Variants in ZNF585A observed in about 807,000 individuals in gnomAD.
The protein encoded by ZNF585A is zinc finger protein 585A.
In ZNF585A, 9 loss-of-function variants were observed where a neutral mutation model predicts 14.9. That is an observed-to-expected ratio of 0.60 (90% CI 0.36 to 1.05). The LOEUF is 1.05. ZNF585A is among the 50% of genes least tolerant of loss of function. ZNF585A has a pLI of 0.01. For synonymous variants in ZNF585A, 276 were observed against 319.9 expected, an observed-to-expected ratio of 0.86 and a Z score of 1.46; for missense variants, 726 against 926.4, an observed-to-expected ratio of 0.78 and a Z score of 2.81.
intron 2 of ZNF585A, among the ~76,000 whole-genome samples, chr19:37,163,780 A>G (rs1972047152): frequency 1.3e-5 from 2 of 152,040 alleles, no homozygotes; most frequent in Non-Finnish European, 2.9e-5. Flanking sequence ...AAAGAATCCA[A>G]ACATTCCAAA....
At chr19:37,155,841 C>A in intron 4 of ZNF585A, 24 bp downstream of exon 4, 1 of 1,611,378 alleles carries the variant, frequency 6.2e-7, no homozygotes, top group African/African-American at 1.3e-5. Context: ...TCCCATCTAC[C>A]GGATTCACAC....
intron 2 of ZNF585A, among the ~76,000 whole-genome samples, chr19:37,168,173 A>C (rs1384975142): frequency 2.0e-5 from 3 of 152,178 alleles, no homozygotes; most frequent in Non-Finnish European, 4.4e-5. Flanking sequence ...TCATCCCTTT[A>C]AGTGATTTTC....
rs770342537 is a variant in ZNF585A at position 37,152,086 on chromosome 19, G to A, written c.1813C>T (p.Pro605Ser). The A allele has an allele frequency of 6.2e-7, 1 of 1,603,290 alleles. No homozygotes were observed. The highest frequency in any genetic ancestry group is 1.7e-5 in the Admixed American group (1 of 58,640). ...TTCCCACAGTCACTGCATTCATAAGGCTTCTCTCCAGTATGAATTCTTTGA... is the reference window on the plus strand; with the variant it reads ...TTCCCACAGTCACTGCATTCATAAGACTTCTCTCCAGTATGAATTCTTTGA... The part of the protein sequence containing the change: ...THQRIHTGEK[P>S]YECSDCGKSF... The change falls in exon 5 of 5, where the codon CCT becomes TCT. Residue 605 changes from proline to serine, a missense_variant. Around this residue, in one of 2 missense-constraint regions of ZNF585A, gnomAD observed 243 missense variants for 383.6 expected, o/e 0.63. Coordinates refer to ENST00000292841, the MANE Select transcript of ZNF585A (RefSeq NM_001288800.2).
chr19:37,169,429 G>C (rs1182210740), intron 2 of ZNF585A, among the ~76,000 whole-genome samples: 2 of 130,660 alleles, frequency 1.5e-5, no homozygotes, highest in Non-Finnish European at 3.3e-5. Flanking sequence ...CCGAAAAACA[G>C]AAATGTAAAA....
chr19:37,160,905 T>C (rs1972003779), intron 2 of ZNF585A, among the ~76,000 whole-genome samples: 1 of 152,140 alleles, frequency 6.6e-6, no homozygotes, highest in South Asian at 2.1e-4. Context: ...TCTTGCTCTG[T>C]CGTCCAGGCT....
rs974527711 is a variant in ZNF585A at position 37,149,491 on chromosome 19, T to C, written c.*2098A>G. The C allele has an allele frequency of 2.0e-5, 3 of 152,198 alleles. No individual in the cohort carries two copies. The highest frequency in any genetic ancestry group is 7.2e-5 in the African/African-American group (3 of 41,446). 9.4% of individuals were successfully genotyped at this position (152,198 alleles called of 1,614,324 possible). A position where few individuals can be genotyped will look rare whatever the true frequency, so the allele number is the denominator to read the frequency against. On this transcript the variant is annotated 3_prime_UTR_variant, in exon 5 of 5. Coordinates refer to ENST00000292841, the MANE Select transcript of ZNF585A (RefSeq NM_001288800.2). Reference sequence around the variant, plus strand: ...ATAGTCAGATGCTTATGTTGACTGATGACTAATATTAACAGGATGCTGTCA... The same window carrying C: ...ATAGTCAGATGCTTATGTTGACTGACGACTAATATTAACAGGATGCTGTCA...
intron 2 of ZNF585A, among the ~76,000 whole-genome samples, chr19:37,169,196 G>A (rs1201902923): frequency 6.6e-6 from 1 of 151,776 alleles, no homozygotes; most frequent in Non-Finnish European, 1.5e-5. Context: ...AGAGGCATAA[G>A]AAATAAAATT....
chr19:37,170,851 TGTAAA>T (rs1972170472), intron 1 of ZNF585A, among the ~76,000 whole-genome samples: 1 of 152,226 alleles, frequency 6.6e-6, no homozygotes, highest in Non-Finnish European at 1.5e-5. Context: ...AGATAATACT[TGTAAA>T]GTACTCAACA....
chr19:37,151,559 C>T lies in ZNF585A; in HGVS notation c.*30G>A. ...GCAACAGTGTACAATCAGACCCAAC[C>T]CTCAGGGGGGTTTTCTCACACTGTT... On this transcript the variant is annotated 3_prime_UTR_variant, in exon 5 of 5. Coordinates refer to ENST00000292841, the MANE Select transcript of ZNF585A (RefSeq NM_001288800.2). 1 of 1,583,012 alleles carries T rather than the reference C, an allele frequency of 6.3e-7. No homozygotes were observed. Among genetic ancestry groups the T allele is most frequent in the South Asian group, 1.2e-5 (1 of 84,582 alleles).
rs189237393 is a variant in ZNF585A at position 37,151,981 on chromosome 19, C to T, written c.1918G>A (p.Gly640Arg). Reference protein sequence around the residue: ...GEKPYVCAECGKAFSGRSNLS... With the variant: ...GEKPYVCAECRKAFSGRSNLS... Reference sequence around the variant, plus strand: ...TTTGACCTGCCACTAAAGGCCTTCCCGCACTCGGCACACACATAGGGTTTC... The same window carrying T: ...TTTGACCTGCCACTAAAGGCCTTCCTGCACTCGGCACACACATAGGGTTTC... Residue 640 changes from glycine to arginine, a missense_variant, in exon 5 of 5, where the codon GGG (glycine) becomes AGG (arginine). Gly to Arg is a moderately radical substitution (Grantham distance 125). Around this residue, in one of 2 missense-constraint regions of ZNF585A, gnomAD observed 243 missense variants for 383.6 expected, o/e 0.63. Transcript: ENST00000292841. The T allele has an allele frequency of 3.9e-5, 63 of 1,614,034 alleles. No homozygotes were observed. The highest frequency in any genetic ancestry group is 5.0e-5 in the Admixed American group (3 of 60,002).
chr19:37,156,091 G>A, intron 3 of ZNF585A, 134 bp from the exon 4 acceptor site: 2 of 1,549,308 alleles, frequency 1.3e-6, no homozygotes, highest in Non-Finnish European at 1.7e-6. Flanking sequence ...AATTCTGAGT[G>A]CCCTAAACAA....
At chr19:37,156,892 A>G (rs564848236) in intron 2 of ZNF585A, among the ~76,000 whole-genome samples, 2 of 152,278 alleles carry the variant, frequency 1.3e-5, no homozygotes, top group East Asian at 3.9e-4. Flanking sequence ...GGGTTTTGCC[A>G]TGTTGGCCAG....
chr19:37,163,646 A>G (rs576056101), intron 2 of ZNF585A, among the ~76,000 whole-genome samples: 1 of 152,126 alleles, frequency 6.6e-6, no homozygotes, highest in Admixed American at 6.5e-5. Flanking sequence ...GCAGTGTAGA[A>G]CTGTTATCAT....
intron 2 of ZNF585A, among the ~76,000 whole-genome samples, chr19:37,164,072 G>A (rs1349444256): frequency 1.3e-5 from 2 of 152,128 alleles, no homozygotes; most frequent in East Asian, 1.9e-4. Flanking sequence ...TTCGGATGCC[G>A]TATTTACTAT....
rs1432249534 is a variant in ZNF585A at position 37,148,950 on chromosome 19, G to T, written c.*2639C>A. The T allele has an allele frequency of 6.6e-6, 1 of 152,132 alleles. No individual in the cohort carries two copies. 9.4% of individuals were successfully genotyped at this position (152,132 alleles called of 1,614,324 possible). Reference sequence around the variant, plus strand: ...AACTATATGATATAAAAGATCAAAGGTAAAACTATGGAGACAGAAAAAATG... The same window carrying T: ...AACTATATGATATAAAAGATCAAAGTTAAAACTATGGAGACAGAAAAAATG... On this transcript the variant is annotated 3_prime_UTR_variant, in exon 5 of 5. Transcript: ENST00000292841.
chr19:37,147,831 T>C lies in ZNF585A; in HGVS notation c.*3758A>G, dbSNP rs904891964. 2.0e-5 allele frequency: 3 copies of C among 152,230 alleles called. No individual in the cohort carries two copies. The highest frequency in any genetic ancestry group is 4.4e-5 in the Non-Finnish European group (3 of 68,032). The allele number at this position is 152,230 out of a possible 1,614,324, so 9.4% of individuals were successfully genotyped here. The stretch of plus-strand genomic sequence containing the variant: ...AATACAACAGCACTTTTGAGATTCA[T>C]CCATGTTGTAGTAAGTGTCAATAAA... On this transcript the variant is annotated 3_prime_UTR_variant, in exon 5 of 5. Transcript: ENST00000292841.
At position 37,146,968 on chromosome 19, in the gene ZNF585A, G is replaced by T; in HGVS notation, c.*4621C>A. On this transcript the variant is annotated 3_prime_UTR_variant, in exon 5 of 5. Coordinates refer to ENST00000292841, the MANE Select transcript of ZNF585A (RefSeq NM_001288800.2). ...CCACACATGTTACCAATCTGTGCGG[G>T]GCATCTGGTCAACCTCGATATTATT... 1 of 152,222 alleles carries T rather than the reference G, an allele frequency of 6.6e-6. No individual in the cohort carries two copies. Among genetic ancestry groups the T allele is most frequent in the African/African-American group, 2.4e-5 (1 of 41,482 alleles). The allele number at this position is 152,222 out of a possible 1,614,324, so 9.4% of individuals were successfully genotyped here.
intron 2 of ZNF585A, 94 bp downstream of exon 2, chr19:37,169,745 C>G (rs554233734): frequency 6.7e-7 from 1 of 1,491,204 alleles, no homozygotes; most frequent in Non-Finnish European, 9.1e-7. Context: ...TCCTGTGGCC[C>G]AGCTCCCTCC....
At position 37,169,919 on chromosome 19, in the gene ZNF585A, TG is replaced by T. The variant is rs1972155337; in HGVS notation, c.-10del. 6.2e-7 allele frequency: 1 copy of T among 1,612,088 alleles called. No individual in the cohort carries two copies. The highest frequency in any genetic ancestry group is 8.5e-7 in the Non-Finnish European group (1 of 1,179,856). ...GTCCAATTAGCTGGCATGGCCACACTGGGTCTCAACCCTTTTTCTGTAGGGT... is the reference window on the plus strand; with the variant it reads ...GTCCAATTAGCTGGCATGGCCACACTGGTCTCAACCCTTTTTCTGTAGGGT... On this transcript the variant is annotated 5_prime_UTR_variant, in exon 2 of 5. Coordinates refer to ENST00000292841, the MANE Select transcript of ZNF585A (RefSeq NM_001288800.2).
Sources: allele counts gnomAD v4.1 joint callset (sites outside exome capture counted in the v4.1 genomes callset), GRCh38; gene constraint gnomAD v4.1.1; regional missense constraint gnomAD v4.1.1; transcripts MANE v1.5; gene names NCBI Gene and HGNC (gene_info 2026-07-23, HGNC 2026-07-21).